The following TMEM135 variants were observed in gnomAD, a reference collection of about 807,000 sequenced individuals.
TMEM135 encodes peroxisomal membrane protein 52.
A neutral mutation model predicts 60.3 loss-of-function variants in TMEM135; 30 were observed. That is an observed-to-expected ratio of 0.50 (90% CI 0.37 to 0.68). TMEM135 has a LOEUF of 0.68. Ranked by LOEUF, TMEM135 falls within the 30% of genes least tolerant of loss-of-function variation. The probability of loss-of-function intolerance (pLI) is 0.00; values close to 1 mark genes in which losing one functional copy is unlikely to be tolerated. For synonymous variants in TMEM135, 190 were observed against 186.7 expected (o/e 1.02, Z -0.14); for missense variants, 468 against 548.8 (o/e 0.85, Z 1.47).
chr11:87,271,217 T>C (rs1941855284), intron 6 of TMEM135, among the ~76,000 whole-genome samples: 1 of 152,226 alleles, frequency 6.6e-6, no homozygotes, highest in Admixed American at 6.5e-5. Context: ...AATCATTGTC[T>C]TACTTAGTTT....
chr11:87,208,949 A>G (rs1053472408), intron 5 of TMEM135, among the ~76,000 whole-genome samples: 4 of 152,204 alleles, frequency 2.6e-5, no homozygotes, highest in African/African-American at 9.7e-5. Flanking sequence ...CAATAATTTC[A>G]TATCCCTCCA....
At chr11:87,130,346 A>C (rs1041294812) in intron 4 of TMEM135, among the ~76,000 whole-genome samples, 21 of 152,190 alleles carry the variant, frequency 1.4e-4, no homozygotes, top group Non-Finnish European at 1.0e-4. Context: ...AGTGAAGGAC[A>C]TAAAATTTCA....
chr11:87,243,448 T>G (rs1212979351), intron 6 of TMEM135, among the ~76,000 whole-genome samples: 2 of 125,808 alleles, frequency 1.6e-5, no homozygotes, highest in Non-Finnish European at 3.5e-5. Context: ...TTGGGCAGTA[T>G]GGCCATTTTC....
chr11:87,191,243 A>ATT (rs10639049), intron 5 of TMEM135, among the ~76,000 whole-genome samples: 19,337 of 145,528 alleles, frequency 0.13, 1,310 homozygotes, highest in Non-Finnish European at 0.15. Context: ...CTTTGGCAGT[A>ATT]TTTTTTTTTT....
Position 87,323,468 on chromosome 11 carries a change from AGG to A in TMEM135, c.*2136_*2137del. ...ATTACCTTTCTACCTCTAACTAATC[AGG>A]TATTGATTGACAACTTTTTGGCATT... On this transcript the variant is annotated 3_prime_UTR_variant, in exon 15 of 15. Coordinates refer to ENST00000305494, the MANE Select transcript of TMEM135 (RefSeq NM_022918.4). 1 of 454,038 alleles carries A rather than the reference AGG, an allele frequency of 2.2e-6. No individual in the cohort carries two copies. The highest frequency in any genetic ancestry group is 1.6e-5 in the South Asian group (1 of 64,466). 28.1% of individuals were successfully genotyped at this position (454,038 alleles called of 1,614,324 possible).
At chr11:87,080,650 A>T (rs1365926591) in intron 3 of TMEM135, among the ~76,000 whole-genome samples, 1 of 151,684 alleles carries the variant, frequency 6.6e-6, no homozygotes, top group African/African-American at 2.4e-5. Context: ...TGTAGCTCAG[A>T]TATTATTTGT....
intron 1 of TMEM135, among the ~76,000 whole-genome samples, chr11:87,053,502 G>A (rs1030875919): frequency 6.6e-6 from 1 of 152,076 alleles, no homozygotes; most frequent in Non-Finnish European, 1.5e-5. Context: ...GTGGTAGGTG[G>A]TAATTAGGGA....
At chr11:87,217,498 A>T (rs1940526862) in intron 5 of TMEM135, among the ~76,000 whole-genome samples, 1 of 152,114 alleles carries the variant, frequency 6.6e-6, no homozygotes, top group Admixed American at 6.6e-5. Context: ...CTAAAAAGGG[A>T]TTTGGGGCCG....
At chr11:87,058,184 C>T in intron 1 of TMEM135, among the ~76,000 whole-genome samples, 1 of 152,192 alleles carries the variant, frequency 6.6e-6, no homozygotes, top group African/African-American at 2.4e-5. Flanking sequence ...ATGTTAATCT[C>T]ACCTAGAAGC....
intron 5 of TMEM135, among the ~76,000 whole-genome samples, chr11:87,199,088 G>A (rs1178212205): frequency 2.0e-5 from 3 of 152,152 alleles, no homozygotes; most frequent in Non-Finnish European, 4.4e-5. Context: ...AGTAGTTATC[G>A]CTGTGGCTCA....
At chr11:87,280,270 G>C (rs1483026549) in intron 6 of TMEM135, among the ~76,000 whole-genome samples, 1 of 152,226 alleles carries the variant, frequency 6.6e-6, no homozygotes, top group East Asian at 1.9e-4. Context: ...ACAATGGAGT[G>C]AGATTTGGTA....
At position 87,278,959 on chromosome 11, in the gene TMEM135, C is replaced by A. The variant is rs374066770; in HGVS notation, c.510-16823C>A. 2.0e-5 allele frequency among the ~76,000 whole-genome samples: 3 copies of A among 150,878 alleles called. No individual in the cohort carries two copies. In the East Asian group the frequency reaches 5.8e-4, roughly 29 times the overall value. On this transcript the variant is annotated intron_variant, in intron 6 of 14. Coordinates refer to ENST00000305494, the MANE Select transcript of TMEM135 (RefSeq NM_022918.4). ...CACCAGTGGAATCATACAGTATGCA[C>A]CTTTGTGTCTGGCTGCTTCTCAGCA... is the stretch of plus-strand genomic sequence containing the variant.
At chr11:87,143,860 C>T (rs1038384725) in intron 4 of TMEM135, among the ~76,000 whole-genome samples, 2 of 152,106 alleles carry the variant, frequency 1.3e-5, no homozygotes, top group African/African-American at 4.8e-5. Flanking sequence ...GCTGTCAGAA[C>T]CGCTGGGGAG....
chr11:87,094,268 G>A (rs1857273158), intron 4 of TMEM135, among the ~76,000 whole-genome samples: 1 of 152,154 alleles, frequency 6.6e-6, no homozygotes, highest in South Asian at 2.1e-4. Flanking sequence ...CATATGGCTA[G>A]ACTTCCTTTT....
intron 6 of TMEM135, among the ~76,000 whole-genome samples, chr11:87,252,622 A>G (rs1184944965): frequency 6.6e-6 from 1 of 151,828 alleles, no homozygotes; most frequent in African/African-American, 2.4e-5. Flanking sequence ...AAAATACAAA[A>G]TTAGCCAGGC....
At chr11:87,132,634 G>C (rs1329025596) in intron 4 of TMEM135, among the ~76,000 whole-genome samples, 2 of 151,888 alleles carry the variant, frequency 1.3e-5, no homozygotes, top group African/African-American at 4.8e-5. Context: ...ACATTTGTCT[G>C]TTTAGATCTT....
At chr11:87,226,868 G>C (rs374116037) in intron 5 of TMEM135, among the ~76,000 whole-genome samples, 1 of 152,068 alleles carries the variant, frequency 6.6e-6, no homozygotes, top group African/African-American at 2.4e-5. Context: ...GGCCAACATG[G>C]TGAAACCCCG....
Position 87,250,592 on chromosome 11 carries a change from T to G in TMEM135, c.509+13908T>G, listed in dbSNP as rs542706798. On this transcript the variant is annotated intron_variant, in intron 6 of 14. Coordinates refer to ENST00000305494, the MANE Select transcript of TMEM135 (RefSeq NM_022918.4). ...TGTGTAGTTTCCAAAGTTTCCTTTGTTATTGACTTCTAATTTTTTTCCGTT... is the reference window on the plus strand; with the variant it reads ...TGTGTAGTTTCCAAAGTTTCCTTTGGTATTGACTTCTAATTTTTTTCCGTT... Among the ~76,000 whole-genome samples, 29 of 152,196 alleles carry G rather than the reference T, an allele frequency of 1.9e-4. No individual in the cohort carries two copies. The South Asian group carries it at 5.6e-3, about 29-fold the overall frequency.
chr11:87,097,185 C>T (rs563066244), intron 4 of TMEM135, among the ~76,000 whole-genome samples: 2 of 152,130 alleles, frequency 1.3e-5, no homozygotes, highest in East Asian at 1.9e-4. Flanking sequence ...CCAGTACAGA[C>T]GGGGTTTCAC....
Sources: gnomAD v4.1 joint callset for allele counts (sites outside exome capture counted in the v4.1 genomes callset) on GRCh38, gnomAD v4.1.1 for gene constraint, MANE v1.5 for transcripts, NCBI Gene and HGNC (gene_info 2026-07-23, HGNC 2026-07-21) for gene names.